RREB1: variants seen among roughly 807,000 people sequenced by gnomAD.
RREB1 encodes ras-responsive element-binding protein 1.
RREB1 carries 27 observed loss-of-function variants against 117.8 expected under a neutral mutation model. The ratio of observed to expected loss-of-function variants is 0.23; its 90% CI spans 0.17 to 0.32. The LOEUF (loss-of-function observed/expected upper bound fraction) is 0.32, where lower values mean the gene tolerates loss of function less well. Ranked by LOEUF, RREB1 falls within the 10% of genes least tolerant of loss-of-function variation. The pLI, the probability that RREB1 is intolerant of heterozygous loss-of-function variation, is 1.00. For missense variants in RREB1, 2,577 were observed against 2,378.2 expected (o/e 1.08, Z -1.74); for synonymous variants, 1,298 against 1,026.7 (o/e 1.26, Z -5.05).
chr6:7,242,099 G>A (rs1414000618), intron 11 of RREB1, among the ~76,000 whole-genome samples: 1 of 152,234 alleles, frequency 6.6e-6, no homozygotes, highest in African/African-American at 2.4e-5. Flanking sequence ...TCCCATAGTG[G>A]TTCCACAGTA....
Position 7,247,166 on chromosome 6 carries a change from CAACA to C in RREB1, c.4718_4721del (p.Asn1573SerfsTer9). 1 of 1,613,792 alleles carries C rather than the reference CAACA, an allele frequency of 6.2e-7. No individual in the cohort carries two copies. The highest frequency in any genetic ancestry group is 8.5e-7 in the Non-Finnish European group (1 of 1,180,012). On this transcript the variant is annotated frameshift_variant, in exon 12 of 13. Coordinates refer to ENST00000379938, the MANE Select transcript of RREB1 (RefSeq NM_001003699.4). LOFTEE classifies it high-confidence loss of function. ...AGAGGAAGAAGGTCTGCAGCGTGTGCAACAAGCGGTTCTGGTCGCTGCAGGACCT... is the reference window on the plus strand; with the variant it reads ...AGAGGAAGAAGGTCTGCAGCGTGTGCAGCGGTTCTGGTCGCTGCAGGACCT...
At position 7,240,587 on chromosome 6, in the gene RREB1, T is replaced by A. The variant is rs1581590473; in HGVS notation, c.3958T>A (p.Ser1320Thr). 1.2e-6 allele frequency: 2 copies of A among 1,613,062 alleles called. No homozygotes were observed. Among genetic ancestry groups the A allele is most frequent in the East Asian group, 2.2e-5 (1 of 44,838 alleles). ...IPQSKESDVG[S>T]HDSTDSQSDA... is the part of the protein sequence containing the mutation. ...CCAGTCAAAAGAGAGTGATGTTGGA[T>A]CCCATGATAGCACAGGTAGTGCCGC... Residue 1320 changes from serine (S) to threonine (T), a missense_variant, in exon 11 of 13, where the codon TCC becomes ACC. Ser to Thr is a moderately conservative substitution (Grantham distance 58). Transcript: ENST00000379938.
chr6:7,202,890 C>T (rs1321915496), intron 6 of RREB1, among the ~76,000 whole-genome samples: 3 of 152,174 alleles, frequency 2.0e-5, no homozygotes, highest in Non-Finnish European at 4.4e-5. Context: ...TCAATTCATC[C>T]AACTTCTGAG....
chr6:7,148,196 A>G (rs1308452631), intron 1 of RREB1, among the ~76,000 whole-genome samples: 3 of 152,096 alleles, frequency 2.0e-5, no homozygotes. Context: ...ATTCCCATTG[A>G]TCCTTTAGGC....
chr6:7,248,166 G>C (rs908701599), intron 12 of RREB1, among the ~76,000 whole-genome samples: 5 of 152,238 alleles, frequency 3.3e-5, no homozygotes, highest in Admixed American at 3.3e-4. Context: ...CCCTGAGAGG[G>C]TCCACTCCTG....
rs540763335 is a variant in RREB1 at position 7,227,909 on chromosome 6, T to A, written c.898-1088T>A. On this transcript the variant is annotated intron_variant, in intron 9 of 12. Transcript: ENST00000379938. Reference sequence around the variant, plus strand: ...AGTGAAACCCCGTCTCTACTAAAAGTATAAAAAATTAGCTGGGCATAGTGG... The same window carrying A: ...AGTGAAACCCCGTCTCTACTAAAAGAATAAAAAATTAGCTGGGCATAGTGG... Among the ~76,000 whole-genome samples the A allele has an allele frequency of 1.9e-4, 29 of 152,078 alleles. No individual in the cohort carries two copies. In the South Asian group the frequency reaches 5.8e-3, roughly 30 times the overall value.
At chr6:7,146,857 T>C (rs1289823229) in intron 1 of RREB1, among the ~76,000 whole-genome samples, 1 of 152,100 alleles carries the variant, frequency 6.6e-6, no homozygotes, top group African/African-American at 2.4e-5. Flanking sequence ...GGAAGATGTT[T>C]CTGATTCTAG....
At chr6:7,219,158 T>C (rs182414219) in intron 8 of RREB1, 76 of 132,204 alleles carry the variant, frequency 5.7e-4, no homozygotes, top group African/African-American at 2.1e-3. Context: ...TAATCCCAGC[T>C]ACTGGGGAGG....
chr6:7,246,979 CGGCCCCGGGTGCCGGGGA>C lies in RREB1; in HGVS notation c.4538_4555del (p.Gly1513_Pro1518del), dbSNP rs745663065. On this transcript the variant is annotated inframe_deletion, in exon 12 of 13. Coordinates refer to ENST00000379938, the MANE Select transcript of RREB1 (RefSeq NM_001003699.4). ...GAGACCCCGGCAGAGGTGGTGGAGT[CGGCCCCGGGTGCCGGGGA>C]GGCCCCGGCGGAAAAGCTCGCGGAG... The C allele has an allele frequency of 4.4e-6, 7 of 1,581,772 alleles. No individual in the cohort carries two copies. The highest frequency in any genetic ancestry group is 2.3e-5 in the East Asian group (1 of 42,616).
At chr6:7,177,218 C>CAAAAAAA (rs552706086) in intron 2 of RREB1, among the ~76,000 whole-genome samples, 2 of 34,928 alleles carry the variant, frequency 5.7e-5, no homozygotes, top group Admixed American at 3.2e-4. Flanking sequence ...GACTGTCTCA[C>CAAAAAAA]AAAAAAAAAA....
rs1282763037 is a variant in RREB1, at chr6:7,230,096, T to G, written c.1997T>G (p.Leu666Arg). The G allele has an allele frequency of 1.2e-6, 2 of 1,602,326 alleles. No individual in the cohort carries two copies. The highest frequency in any genetic ancestry group is 1.7e-5 in the Admixed American group (1 of 59,396). Residue 666 changes from leucine (L) to arginine (R), a missense_variant, in exon 10 of 13, where the codon CTG (leucine) becomes CGG (arginine). Physicochemically the swap from Leu to Arg is moderately radical, Grantham distance 102 (BLOSUM62 -2). Transcript: ENST00000379938. Reference sequence around the variant, plus strand: ...TTGCGTGCCCACGTGCGCTCCCACCTGGGCATCTCGCCATACCAGTGCAAC... The same window carrying G: ...TTGCGTGCCCACGTGCGCTCCCACCGGGGCATCTCGCCATACCAGTGCAAC... ...GVLRAHVRSH[L>R]GISPYQCNIC...
chr6:7,188,565 C>T (rs1325223667), intron 5 of RREB1, among the ~76,000 whole-genome samples: 1 of 151,998 alleles, frequency 6.6e-6, no homozygotes, highest in Non-Finnish European at 1.5e-5. Flanking sequence ...CTGCTGTGGC[C>T]AATTCATGAC....
chr6:7,186,706 C>T (rs1765099145), intron 4 of RREB1, among the ~76,000 whole-genome samples: 2 of 152,180 alleles, frequency 1.3e-5, no homozygotes, highest in Non-Finnish European at 2.9e-5. Context: ...AAACATACTG[C>T]TTGACCTGTG....
At chr6:7,163,868 C>T (rs919836268) in intron 1 of RREB1, among the ~76,000 whole-genome samples, 5 of 152,210 alleles carry the variant, frequency 3.3e-5, no homozygotes, top group Non-Finnish European at 5.9e-5. Context: ...GCCATTGTTT[C>T]GCAAGTTTTC....
intron 6 of RREB1, among the ~76,000 whole-genome samples, chr6:7,193,934 T>C (rs957491335): frequency 6.6e-6 from 1 of 150,794 alleles, no homozygotes; most frequent in African/African-American, 2.5e-5. Context: ...ATGTAGCTTT[T>C]GTGTCACTTT....
intron 9 of RREB1, among the ~76,000 whole-genome samples, chr6:7,228,577 G>C (rs2714314): frequency 0.41 from 59,589 of 143,752 alleles, 14,473 homozygotes; most frequent in African/African-American, 0.7. Flanking sequence ...ATAATCATGT[G>C]TCACTTCAGA....
Position 7,229,532 on chromosome 6 carries a change from C to A in RREB1, c.1433C>A (p.Ala478Asp). 1 of 1,614,146 alleles carries A rather than the reference C, an allele frequency of 6.2e-7. No individual in the cohort carries two copies. Among genetic ancestry groups the A allele is most frequent in the Non-Finnish European group, 8.5e-7 (1 of 1,180,026 alleles). ...ADIQQILKMA[A>D]SAPPQISLPP... ...ATCCAGCAAATTCTGAAGATGGCAG[C>A]CTCGGCTCCCCCTCAGATCAGTCTT... Residue 478 changes from alanine to aspartate, a missense_variant, in exon 10 of 13, where the codon GCC becomes GAC. Ala to Asp is a moderately radical substitution (Grantham distance 126). Transcript: ENST00000379938. The surrounding 1 kb of genome is among the most constrained non-coding windows in gnomAD (Gnocchi z 4.5).
chr6:7,163,083 A>G (rs535747523), intron 1 of RREB1, among the ~76,000 whole-genome samples: 16 of 152,336 alleles, frequency 1.1e-4, no homozygotes, highest in African/African-American at 3.8e-4. Context: ...AGCCATCACC[A>G]TAATTAGCAG....
At chr6:7,155,298 A>AGTTTT (rs537267176) in intron 1 of RREB1, among the ~76,000 whole-genome samples, 48 of 152,030 alleles carry the variant, frequency 3.2e-4, no homozygotes, top group Non-Finnish European at 6.5e-4. Flanking sequence ...GCTGGACTTC[A>AGTTTT]GTTTTGTTTT....
Sources: allele counts gnomAD v4.1 joint callset (sites outside exome capture counted in the v4.1 genomes callset), GRCh38; gene constraint gnomAD v4.1.1; non-coding constraint Gnocchi (gnomAD v3.1); transcripts MANE v1.5; gene names NCBI Gene and HGNC (gene_info 2026-07-23, HGNC 2026-07-21).